The following GATAD2A variants were observed in gnomAD, a reference collection of about 807,000 sequenced individuals.
GATAD2A encodes GATA zinc finger domain containing 2A, also known as transcriptional repressor p66-alpha.
Under a neutral mutation model 68.5 loss-of-function variants are expected in GATAD2A, and 12 were observed. That is an observed-to-expected ratio of 0.18 (90% CI 0.11 to 0.28). The LOEUF (loss-of-function observed/expected upper bound fraction) is 0.28. Ranked by LOEUF, GATAD2A falls within the 10% of genes least tolerant of loss-of-function variation. The pLI is 1.00. For missense variants in GATAD2A, 755 were observed against 868.5 expected, an observed-to-expected ratio of 0.87 and a Z score of 1.64; for synonymous variants, 410 against 375.3, an observed-to-expected ratio of 1.09 and a Z score of -1.07.
intron 1 of GATAD2A, among the ~76,000 whole-genome samples, chr19:19,441,206 C>T (rs1796239752): frequency 6.6e-6 from 1 of 152,128 alleles, no homozygotes; most frequent in African/African-American, 2.4e-5. Flanking sequence ...CCATGCCCGG[C>T]TAAAAACAAC....
intron 2 of GATAD2A, among the ~76,000 whole-genome samples, chr19:19,471,566 A>C (rs1455432587): frequency 1.3e-5 from 2 of 152,226 alleles, no homozygotes; most frequent in East Asian, 1.9e-4. Context: ...CGTTTTGGGA[A>C]GATGGAAATA....
At chr19:19,398,768 T>C (rs1001309058) in intron 1 of GATAD2A, among the ~76,000 whole-genome samples, 1 of 148,302 alleles carries the variant, frequency 6.7e-6, no homozygotes, top group African/African-American at 2.5e-5. Context: ...TCTACTAAAA[T>C]ACAAAAATTA....
At chr19:19,398,707 G>A (rs2049458385) in intron 1 of GATAD2A, among the ~76,000 whole-genome samples, 1 of 151,948 alleles carries the variant, frequency 6.6e-6, no homozygotes, top group South Asian at 2.1e-4. Flanking sequence ...GGAGGCTGAG[G>A]TGGGTGGATC....
intron 9 of GATAD2A, among the ~76,000 whole-genome samples, chr19:19,501,677 A>G (rs2060533445): frequency 6.6e-6 from 1 of 152,238 alleles, no homozygotes; most frequent in South Asian, 2.1e-4. Flanking sequence ...GGCGTTTGGA[A>G]AAATGTTCTT....
rs1350485842 is a variant in GATAD2A at position 19,502,313 on chromosome 19, C to T, written c.1579-18C>T. 1 of 1,584,616 alleles carries T rather than the reference C, an allele frequency of 6.3e-7. No individual in the cohort carries two copies. On this transcript the variant is annotated intron_variant, in intron 10 of 11. Transcript: ENST00000683918. The stretch of plus-strand genomic sequence containing the variant: ...TCTTTTCCCTGCATGAGCCGTCACC[C>T]CCCTTTCTCCACTGCAGGCCTCCAG...
intron 8 of GATAD2A, 73 bp from the exon 9 acceptor site, chr19:19,501,045 T>C (rs1368679471): frequency 2.5e-5 from 35 of 1,375,022 alleles, no homozygotes; most frequent in Non-Finnish European, 3.4e-5. Context: ...TCCAGCATCC[T>C]GGGCTGGGGG....
At chr19:19,397,060 G>A (rs552306682) in intron 1 of GATAD2A, among the ~76,000 whole-genome samples, 14 of 152,294 alleles carry the variant, frequency 9.2e-5, no homozygotes, top group African/African-American at 2.9e-4. Flanking sequence ...ATGGGCACAG[G>A]CAGAGACCTG....
At chr19:19,490,310 G>T (rs992466419) in intron 2 of GATAD2A, among the ~76,000 whole-genome samples, 2 of 152,136 alleles carry the variant, frequency 1.3e-5, no homozygotes, top group Admixed American at 1.3e-4. Flanking sequence ...GTCCAGGGTA[G>T]CATTGGTGAA....
At chr19:19,412,455 G>T in intron 1 of GATAD2A, among the ~76,000 whole-genome samples, 1 of 151,662 alleles carries the variant, frequency 6.6e-6, no homozygotes, top group Middle Eastern at 3.4e-3. Context: ...GTGCCCGGCC[G>T]ATTCCCCATC....
chr19:19,400,714 G>T (rs2049647988), upstream of GATAD2A, among the ~76,000 whole-genome samples: 1 of 151,976 alleles, frequency 6.6e-6, no homozygotes, highest in Non-Finnish European at 1.5e-5. Flanking sequence ...CCAGCCAATT[G>T]CATTGTAATC....
chr19:19,500,685 T>C (rs1381857275), intron 8 of GATAD2A, among the ~76,000 whole-genome samples: 1 of 152,222 alleles, frequency 6.6e-6, no homozygotes, highest in African/African-American at 2.4e-5. Context: ...TGAGTGACAA[T>C]GTGATCTACA....
intron 2 of GATAD2A, among the ~76,000 whole-genome samples, chr19:19,479,118 C>T (rs2148218969): frequency 6.6e-6 from 1 of 152,224 alleles, no homozygotes. Context: ...TAATGAGAAA[C>T]CAAAATCCAG....
intron 1 of GATAD2A, among the ~76,000 whole-genome samples, chr19:19,429,621 T>C (rs990061842): frequency 6.7e-6 from 1 of 150,004 alleles, no homozygotes; most frequent in Non-Finnish European, 1.5e-5. Context: ...GGCCTGCCCC[T>C]GCCTGTCTCC....
At chr19:19,457,370 C>T (rs1316296408) in intron 1 of GATAD2A, 1 of 262,972 alleles carries the variant, frequency 3.8e-6, no homozygotes, top group Admixed American at 6.5e-5. Flanking sequence ...ATGGCTGTTC[C>T]ATCCTCCTCC....
chr19:19,441,444 A>G (rs1472483184), intron 1 of GATAD2A, among the ~76,000 whole-genome samples: 1 of 152,164 alleles, frequency 6.6e-6, no homozygotes, highest in East Asian at 1.9e-4. Context: ...GCTGGAGTGC[A>G]GTGGTGTGAT....
At chr19:19,440,077 C>A in intron 1 of GATAD2A, 1 of 365,438 alleles carries the variant, frequency 2.7e-6, no homozygotes, top group Non-Finnish European at 5.4e-6. Context: ...CAGGGTGGTG[C>A]CTGAGCCCCT....
chr19:19,505,873 G>A lies in GATAD2A; in HGVS notation c.*399G>A, dbSNP rs1170324925. 2 of 400,786 alleles carry A rather than the reference G, an allele frequency of 5.0e-6. No homozygotes were observed. Among genetic ancestry groups the A allele is most frequent in the Non-Finnish European group, 8.8e-6 (2 of 227,798 alleles). The allele number at this position is 400,786 out of a possible 1,614,324, so 24.8% of individuals were successfully genotyped here. On this transcript the variant is annotated 3_prime_UTR_variant, in exon 12 of 12. Coordinates refer to ENST00000683918, the MANE Select transcript of GATAD2A (RefSeq NM_001384528.1). ...ATGCGCATGGGCAAGGCCAGCGCCC[G>A]GGGCTTCTGAACCGAGCGGGGTGTT...
Position 19,465,360 on chromosome 19 carries a change from A to G in GATAD2A, c.15A>G (p.Ala5=), listed in dbSNP as rs748670515. The change falls in exon 2 of 12, where the codon GCA becomes GCG. Residue 5 remains alanine (A), a synonymous_variant. Transcript: ENST00000683918. MTEE[A]CRTRSQKRAL... Reference sequence around the variant, plus strand: ...CCAAGTTCAGAATGACCGAAGAAGCATGCCGAACACGGAGTCAGAAACGAG... The same window carrying G: ...CCAAGTTCAGAATGACCGAAGAAGCGTGCCGAACACGGAGTCAGAAACGAG... 1 of 1,613,960 alleles carries G rather than the reference A, an allele frequency of 6.2e-7. No homozygotes were observed. Among genetic ancestry groups the G allele is most frequent in the Non-Finnish European group, 8.5e-7 (1 of 1,179,796 alleles).
chr19:19,407,360 T>G (rs1266228447), intron 1 of GATAD2A, among the ~76,000 whole-genome samples: 2 of 152,198 alleles, frequency 1.3e-5, no homozygotes, highest in Non-Finnish European at 2.9e-5. Context: ...CGGGTTTGAG[T>G]GCCTACTGTG....
Sources: allele counts gnomAD v4.1 joint callset (sites outside exome capture counted in the v4.1 genomes callset), GRCh38; gene constraint gnomAD v4.1.1; transcripts MANE v1.5; gene names NCBI Gene and HGNC (gene_info 2026-07-23, HGNC 2026-07-21).